NPSR1: variants seen among roughly 807,000 people sequenced by gnomAD.
NPSR1 encodes the protein neuropeptide S receptor 1, also known as neuropeptide S receptor.
NPSR1 carries 48 observed loss-of-function variants against 46.9 expected under a neutral mutation model. The observed-to-expected ratio is 1.02, with a 90% confidence interval of 0.81 to 1.30. The LOEUF (loss-of-function observed/expected upper bound fraction) is 1.30, where lower values mean the gene tolerates loss of function less well. NPSR1 is among the 50% of genes most tolerant of loss of function. The probability of loss-of-function intolerance (pLI) is 0.00; values close to 1 mark genes in which losing one functional copy is unlikely to be tolerated. For missense variants in NPSR1, 450 were observed against 449.5 expected (o/e 1.00, Z -0.01); for synonymous variants, 176 against 168.1 (o/e 1.05, Z -0.36).
chr7:34,685,709 A>G, intron 2 of NPSR1: 2 of 429,652 alleles, frequency 4.7e-6, no homozygotes, highest in South Asian at 1.6e-5. Context: ...TTAGCCATAC[A>G]TTGTTAGTAA....
chr7:34,769,163 G>A (rs949115505), intron 2 of NPSR1, among the ~76,000 whole-genome samples: 1 of 151,812 alleles, frequency 6.6e-6, no homozygotes, highest in African/African-American at 2.4e-5. Flanking sequence ...TGGATTAATT[G>A]AGCTTTTTAT....
At chr7:34,782,241 C>T (rs1180946606) in intron 3 of NPSR1, among the ~76,000 whole-genome samples, 1 of 152,108 alleles carries the variant, frequency 6.6e-6, no homozygotes, top group African/African-American at 2.4e-5. Flanking sequence ...CCATGTGAGC[C>T]CATGCATCAG....
rs138267463 is a variant in NPSR1, at chr7:34,811,950, A to C, written c.478+87A>C. 5.9e-5 allele frequency: 47 copies of C among 797,894 alleles called. No individual in the cohort carries two copies. The African/African-American group carries it at 7.4e-4, about 13-fold the overall frequency. 49.4% of individuals were successfully genotyped at this position (797,894 alleles called of 1,614,324 possible). ...TTTTCACTAATATTTTACTCTTAAT[A>C]ATAGTGATCTTCCTCCTCTTTCCTT... On this transcript the variant is annotated intron_variant, in intron 4 of 8. Coordinates refer to ENST00000360581, the MANE Select transcript of NPSR1 (RefSeq NM_207172.2).
intron 3 of NPSR1, among the ~76,000 whole-genome samples, chr7:34,788,601 A>C (rs1210060257): frequency 6.6e-6 from 1 of 152,136 alleles, no homozygotes; most frequent in Non-Finnish European, 1.5e-5. Context: ...GGATTATTTC[A>C]TCAGGAAGAA....
intron 1 of NPSR1, among the ~76,000 whole-genome samples, chr7:34,660,537 C>G (rs375758352): frequency 1.3e-5 from 1 of 77,232 alleles, no homozygotes; most frequent in Non-Finnish European, 2.3e-5. Flanking sequence ...CCAGATGTAT[C>G]CCCTTTAATC....
intron 2 of NPSR1, among the ~76,000 whole-genome samples, chr7:34,691,492 A>G (rs1793252456): frequency 6.6e-6 from 1 of 152,202 alleles, no homozygotes; most frequent in Non-Finnish European, 1.5e-5. Context: ...AAAGACAGCT[A>G]TAGACTCAAA....
intron 2 of NPSR1, among the ~76,000 whole-genome samples, chr7:34,715,305 GAA>G (rs1783507201): frequency 6.6e-6 from 1 of 152,200 alleles, no homozygotes; most frequent in Non-Finnish European, 1.5e-5. Flanking sequence ...TGTGAGCCCA[GAA>G]AGTTTTTCTC....
chr7:34,875,333 A>G (rs1188224514), intron 8 of NPSR1, among the ~76,000 whole-genome samples: 2 of 152,194 alleles, frequency 1.3e-5, no homozygotes, highest in South Asian at 4.1e-4. Flanking sequence ...CTGAATCTAA[A>G]CTTGCATTTT....
intron 2 of NPSR1, among the ~76,000 whole-genome samples, chr7:34,730,995 A>T (rs1244985547): frequency 6.6e-6 from 1 of 152,236 alleles, no homozygotes; most frequent in Non-Finnish European, 1.5e-5. Flanking sequence ...AATTATTTTT[A>T]GGAAAAGAAT....
At chr7:34,701,611 C>G (rs1583838619) in intron 2 of NPSR1, among the ~76,000 whole-genome samples, 1 of 152,220 alleles carries the variant, frequency 6.6e-6, no homozygotes, top group African/African-American at 2.4e-5. Context: ...TTCATAGACA[C>G]AGCTATCGAA....
At chr7:34,755,175 T>C (rs1785761476) in intron 2 of NPSR1, among the ~76,000 whole-genome samples, 1 of 152,196 alleles carries the variant, frequency 6.6e-6, no homozygotes, top group African/African-American at 2.4e-5. Flanking sequence ...GGTAACACTG[T>C]GGTTAGCATT....
At chr7:34,790,920 ATATGT>A (rs1365805343) in intron 3 of NPSR1, among the ~76,000 whole-genome samples, 6 of 129,096 alleles carry the variant, frequency 4.6e-5, no homozygotes, top group African/African-American at 9.3e-5. Flanking sequence ...TATATATCAT[ATATGT>A]TATATGTTAT....
chr7:34,809,564 C>A (rs1788882925), intron 3 of NPSR1, among the ~76,000 whole-genome samples: 1 of 150,022 alleles, frequency 6.7e-6, no homozygotes, highest in South Asian at 2.1e-4. Flanking sequence ...CCCGGGTTCA[C>A]GCCATTCTCC....
At chr7:34,739,231 T>C (rs1032609734) in intron 2 of NPSR1, among the ~76,000 whole-genome samples, 1 of 152,206 alleles carries the variant, frequency 6.6e-6, no homozygotes, top group Admixed American at 6.5e-5. Context: ...TGAAACCTGG[T>C]TTCTATTCTT....
intron 3 of NPSR1, among the ~76,000 whole-genome samples, chr7:34,807,618 G>T (rs1584066761): frequency 6.6e-6 from 1 of 152,074 alleles, no homozygotes; most frequent in East Asian, 1.9e-4. Flanking sequence ...TCCACACTTA[G>T]ATATCTAAGT....
intron 2 of NPSR1, among the ~76,000 whole-genome samples, chr7:34,699,085 T>A (rs367953315): frequency 6.6e-6 from 1 of 152,202 alleles, no homozygotes; most frequent in Non-Finnish European, 1.5e-5. Flanking sequence ...GAATTGGTCA[T>A]ATGAGGGGAA....
chr7:34,716,967 A>T, intron 2 of NPSR1, among the ~76,000 whole-genome samples: 1 of 152,196 alleles, frequency 6.6e-6, no homozygotes. Context: ...GAGGTGAAGA[A>T]GCGAGGCAGT....
intron 8 of NPSR1, chr7:34,877,979 G>A: frequency 1.5e-6 from 1 of 672,908 alleles, no homozygotes; most frequent in South Asian, 1.9e-5. Context: ...TATATCTTAT[G>A]AGAAATGACC....
intron 3 of NPSR1, among the ~76,000 whole-genome samples, chr7:34,783,785 T>C (rs1327933343): frequency 6.6e-6 from 1 of 151,634 alleles, no homozygotes; most frequent in South Asian, 2.1e-4. Flanking sequence ...AAATCACATA[T>C]AAGAGAGTTA....
Sources: allele counts gnomAD v4.1 joint callset (sites outside exome capture counted in the v4.1 genomes callset), GRCh38; gene constraint gnomAD v4.1.1; transcripts MANE v1.5; gene names NCBI Gene and HGNC (gene_info 2026-07-23, HGNC 2026-07-21).